Variants in PDE1A observed in about 807,000 individuals in gnomAD.
PDE1A encodes the protein dual specificity calcium/calmodulin-dependent 3',5'-cyclic nucleotide phosphodiesterase 1A.
Under a neutral mutation model 61.7 loss-of-function variants are expected in PDE1A, and 35 were observed. The ratio of observed to expected loss-of-function variants is 0.57; its 90% CI spans 0.43 to 0.75. The LOEUF is 0.75. Ranked by LOEUF, PDE1A falls within the 30% of genes least tolerant of loss-of-function variation. PDE1A has a pLI of 0.00. For synonymous variants in PDE1A, 232 were observed against 213.2 expected, an observed-to-expected ratio of 1.09 and a Z score of -0.77; for missense variants, 597 against 630.6, an observed-to-expected ratio of 0.95 and a Z score of 0.57.
At chr2:182,626,746 T>A in the PDE1A span, among the ~76,000 whole-genome samples, 1 of 40,766 alleles carries the variant, frequency 2.5e-5, no homozygotes, top group Admixed American at 3.9e-4. Flanking sequence ...TACATATATA[T>A]ACATATATAT....
chr2:182,551,179 G>A, the PDE1A span, among the ~76,000 whole-genome samples: 1 of 152,096 alleles, frequency 6.6e-6, no homozygotes, highest in African/African-American at 2.4e-5. Context: ...CAATTGGGGG[G>A]TGCAAAGAAA....
chr2:182,148,264 T>A (rs1690599576), intron 13 of PDE1A, among the ~76,000 whole-genome samples: 1 of 152,200 alleles, frequency 6.6e-6, no homozygotes. Context: ...CCCAGAAATG[T>A]TGCCTGTGTG....
chr2:182,459,754 G>C (rs1293510685), intron 2 of PDE1A, among the ~76,000 whole-genome samples: 1 of 152,140 alleles, frequency 6.6e-6, no homozygotes, highest in African/African-American at 2.4e-5. Flanking sequence ...ATGCTACAAA[G>C]GGGGTAGAAT....
the PDE1A span, among the ~76,000 whole-genome samples, chr2:182,551,242 C>T: frequency 1.3e-5 from 2 of 152,136 alleles, no homozygotes; most frequent in Non-Finnish European, 2.9e-5. Flanking sequence ...CTATAGGTGG[C>T]TGTGGCAGGG....
the PDE1A span, among the ~76,000 whole-genome samples, chr2:182,702,776 CTT>C: frequency 1.3e-5 from 2 of 152,158 alleles, no homozygotes; most frequent in Non-Finnish European, 2.9e-5. Flanking sequence ...AATCTAAACT[CTT>C]TATTAGAAAA....
the PDE1A span, among the ~76,000 whole-genome samples, chr2:182,572,868 C>CAA: frequency 6.8e-4 from 36 of 52,792 alleles, no homozygotes; most frequent in African/African-American, 1.4e-3. Flanking sequence ...GACTCTGTCT[C>CAA]AAAAAAAAAA....
intron 1 of PDE1A, among the ~76,000 whole-genome samples, chr2:182,287,093 T>C (rs1019818311): frequency 2.0e-5 from 3 of 152,104 alleles, no homozygotes; most frequent in Admixed American, 6.6e-5. Flanking sequence ...CTCTTCATCA[T>C]GCACTATGGT....
At chr2:182,154,168 C>CA (rs574243044) in intron 13 of PDE1A, among the ~76,000 whole-genome samples, 234 of 152,088 alleles carry the variant, frequency 1.5e-3, no homozygotes, top group South Asian at 4.4e-3. Context: ...AACAAACAAA[C>CA]AACAACAACA....
chr2:182,550,332 C>A, the PDE1A span, among the ~76,000 whole-genome samples: 2 of 152,132 alleles, frequency 1.3e-5, no homozygotes, highest in Non-Finnish European at 2.9e-5. Flanking sequence ...CAGGGCACTT[C>A]GCTAGCCTTT....
At chr2:182,210,202 T>C (rs369971669) in intron 7 of PDE1A, among the ~76,000 whole-genome samples, 2 of 152,236 alleles carry the variant, frequency 1.3e-5, no homozygotes, top group Non-Finnish European at 2.9e-5. Context: ...AGTTTCAATT[T>C]TGTAATAAAT....
chr2:182,504,596 C>T (rs571108836), intron 2 of PDE1A, among the ~76,000 whole-genome samples: 3 of 152,196 alleles, frequency 2.0e-5, no homozygotes, highest in African/African-American at 7.2e-5. Flanking sequence ...GGTATTATTT[C>T]GGTTGTGAAT....
At chr2:182,670,400 C>G in the PDE1A span, among the ~76,000 whole-genome samples, 1 of 152,174 alleles carries the variant, frequency 6.6e-6, no homozygotes, top group African/African-American at 2.4e-5. Context: ...ATCAGAATAT[C>G]TCAGAGTGAG....
At chr2:182,268,212 G>T (rs1405018555) in intron 1 of PDE1A, among the ~76,000 whole-genome samples, 3 of 151,944 alleles carry the variant, frequency 2.0e-5, no homozygotes, top group Non-Finnish European at 4.4e-5. Context: ...TGTGGATGAG[G>T]ACGGCTACTG....
At chr2:182,677,752 C>T in the PDE1A span, among the ~76,000 whole-genome samples, 1,879 of 152,160 alleles carry the variant, frequency 0.012, 22 homozygotes, top group South Asian at 0.049. Context: ...ACAAAGCTGA[C>T]GAAAACAAGC....
At chr2:182,419,022 T>A (rs1233959242) in intron 1 of PDE1A, among the ~76,000 whole-genome samples, 5 of 151,068 alleles carry the variant, frequency 3.3e-5, no homozygotes, top group African/African-American at 1.2e-4. Flanking sequence ...AGAGCTAAAC[T>A]ATGCAAGAGA....
At chr2:182,422,122 C>T (rs1703317743) in intron 1 of PDE1A, among the ~76,000 whole-genome samples, 1 of 152,150 alleles carries the variant, frequency 6.6e-6, no homozygotes, top group Non-Finnish European at 1.5e-5. Context: ...GTCTTCGATC[C>T]TGGATGTACA....
intron 1 of PDE1A, among the ~76,000 whole-genome samples, chr2:182,308,492 T>A (rs1293748263): frequency 6.6e-6 from 1 of 152,244 alleles, no homozygotes; most frequent in East Asian, 1.9e-4. Context: ...AATAAGCAAC[T>A]ATAAATTAAG....
intron 2 of PDE1A, among the ~76,000 whole-genome samples, chr2:182,440,591 A>G (rs1684725631): frequency 6.6e-6 from 1 of 152,182 alleles, no homozygotes; most frequent in South Asian, 2.1e-4. Flanking sequence ...TTAAAACAAG[A>G]TATATTCTAA....
At chr2:182,384,488 TAAA>T (rs572868497) in intron 1 of PDE1A, among the ~76,000 whole-genome samples, 59 of 143,810 alleles carry the variant, frequency 4.1e-4, no homozygotes, top group Middle Eastern at 8.0e-3. Context: ...ATAATAATAA[TAAA>T]ATAGAAATCC....
Sources: gnomAD v4.1 joint callset for allele counts (sites outside exome capture counted in the v4.1 genomes callset) on GRCh38, gnomAD v4.1.1 for gene constraint, MANE v1.5 for transcripts, NCBI Gene and HGNC (gene_info 2026-07-23, HGNC 2026-07-21) for gene names.